Variants in HNRNPA3 observed in about 807,000 individuals in gnomAD.
The protein encoded by HNRNPA3 is epididymis secretory sperm binding protein.
Under a neutral mutation model 45.8 loss-of-function variants are expected in HNRNPA3, and 3 were observed. That is an observed-to-expected ratio of 0.07 (90% confidence interval 0.03 to 0.17). HNRNPA3 has a LOEUF of 0.17. HNRNPA3 is among the 10% of genes least tolerant of loss of function. The pLI, the probability that HNRNPA3 is intolerant of heterozygous loss-of-function variation, is 1.00. For missense variants in HNRNPA3, 183 were observed against 480.3 expected (o/e 0.38, Z 5.79); for synonymous variants, 170 against 155.6 (o/e 1.09, Z -0.69).
exon 2 of HNRNPA3, chr2:177,215,549 C>T: frequency 6.2e-7 from 1 of 1,613,798 alleles, no homozygotes; most frequent in Non-Finnish European, 8.5e-7. Context: ...GGCCATGATC[C>T]AAAGGAACCA....
At chr2:177,217,059 T>A in intron 7 of HNRNPA3, 119 bp downstream of exon 7, 1 of 1,097,728 alleles carries the variant, frequency 9.1e-7, no homozygotes, top group Non-Finnish European at 1.3e-6. Flanking sequence ...TAAGGTGTAT[T>A]TCCAAACTGT....
chr2:177,216,546 A>G (rs1341229982), exon 5 of HNRNPA3: 2 of 1,614,176 alleles, frequency 1.2e-6, no homozygotes, highest in Admixed American at 3.3e-5. Flanking sequence ...GTGAAGTGAA[A>G]AAGGCCCTTT....
intron 1 of HNRNPA3, 112 bp from the exon 2 acceptor site, chr2:177,215,427 C>G (rs887596215): frequency 4.5e-6 from 5 of 1,109,538 alleles, no homozygotes; most frequent in East Asian, 4.7e-5. Flanking sequence ...AAAGTGTTAA[C>G]TGTCACAGGA....
Position 177,216,263 on chromosome 2 carries a change from T to A in HNRNPA3, c.553+75T>A. 4 of 1,013,874 alleles carry A rather than the reference T, an allele frequency of 3.9e-6. 1 individual carries two copies. The South Asian group carries it at 5.9e-5, about 15-fold the overall frequency. The allele number at this position is 1,013,874 out of a possible 1,614,324, so 62.8% of individuals were successfully genotyped here. On this transcript the variant is annotated intron_variant, in intron 4 of 10. Transcript: ENST00000392524. ...CTGTTTTGAACTAAATTTGCTAAAT[T>A]GTAATTTTCTGTTGCGTGTAATGGC...
rs759020313 is a variant in HNRNPA3 at position 177,218,989 on chromosome 2, A to G, written c.962-48A>G. ...ATAGTTACATACGTTAAAAGGGGAA[A>G]ATGATGATTGTGTAGGTAAACCACA... On this transcript the variant is annotated intron_variant, in intron 8 of 10. Transcript: ENST00000392524. The G allele has an allele frequency of 6.2e-6, 10 of 1,601,960 alleles. No homozygotes were observed. The Admixed American group carries it at 1.7e-4, about 28-fold the overall frequency.
downstream of HNRNPA3, chr2:177,223,008 A>G (rs563098746): frequency 6.6e-6 from 1 of 152,668 alleles, no homozygotes; most frequent in Non-Finnish European, 1.5e-5. Flanking sequence ...TTGATGGGTA[A>G]TAAGGGCTGT....
At chr2:177,215,015 TGCTG>T (rs1420457794) in intron 1 of HNRNPA3, among the ~76,000 whole-genome samples, 1 of 152,242 alleles carries the variant, frequency 6.6e-6, no homozygotes, top group African/African-American at 2.4e-5. Flanking sequence ...GTTGAAGTGA[TGCTG>T]GCATTTGAAA....
downstream of HNRNPA3, chr2:177,223,521 A>G (rs563165127): frequency 1.3e-5 from 2 of 152,338 alleles, no homozygotes; most frequent in African/African-American, 4.8e-5. Context: ...CATGTCCTAA[A>G]GGAGAATATG....
chr2:177,215,919 A>T, intron 3 of HNRNPA3, 23 bp downstream of exon 3: 1 of 1,597,106 alleles, frequency 6.3e-7, no homozygotes, highest in Non-Finnish European at 8.5e-7. Context: ...TACATTGTGT[A>T]ATATGTGAAA....
Position 177,216,609 on chromosome 2 carries a change from A to C in HNRNPA3, c.643+17A>C. On this transcript the variant is annotated intron_variant, in intron 5 of 10. Transcript: ENST00000392524. ...CACAGAGAGGTGAGTAGGACCATAC[A>C]CATGTATACAGTGGATATGAGTGGT... 1 of 1,611,876 alleles carries C rather than the reference A, an allele frequency of 6.2e-7. No homozygotes were observed. The highest frequency in any genetic ancestry group is 8.5e-7 in the Non-Finnish European group (1 of 1,177,950).
chr2:177,217,596 G>C, intron 7 of HNRNPA3, 109 bp from the exon 8 acceptor site: 2 of 1,358,878 alleles, frequency 1.5e-6, no homozygotes, highest in South Asian at 2.4e-5. Context: ...CACTGTACTT[G>C]AGCCCGGGCA....
At chr2:177,216,123 G>C (rs779836583) in exon 4 of HNRNPA3, 14 of 1,577,326 alleles carry the variant, frequency 8.9e-6, no homozygotes, top group Non-Finnish European at 1.2e-5. Context: ...GACAGGCAGA[G>C]TGGAAAAAAG....
In HNRNPA3 at chr2:177,218,052, C is replaced by CTTTTTT. The variant is rs58476089; in HGVS notation, c.961+229_961+234dup. Among the ~76,000 whole-genome samples, 30 of 102,180 alleles carry CTTTTTT rather than the reference C, an allele frequency of 2.9e-4. 1 individual carries two copies. Among genetic ancestry groups the CTTTTTT allele is most frequent in the African/African-American group, 4.0e-4 (10 of 25,050 alleles). 67.0% of individuals were successfully genotyped at this position (102,180 alleles called of 152,430 possible). A position where few individuals can be genotyped will look rare whatever the true frequency, so the allele number is the denominator to read the frequency against. ...ACAAATGTACTCAGCTCTCTTTTTT[C>CTTTTTT]TTTTTTTTTTTTTTTTTTTTTTTTT... is the stretch of plus-strand genomic sequence containing the variant. On this transcript the variant is annotated intron_variant, in intron 8 of 10. Coordinates refer to ENST00000392524, the Ensembl canonical transcript of HNRNPA3.
chr2:177,220,427 T>G (rs1283624967), downstream of HNRNPA3: 3 of 154,706 alleles, frequency 1.9e-5, no homozygotes, highest in East Asian at 5.8e-4. Context: ...CTTTTTTTTC[T>G]TATTTAAAGC....
intron 1 of HNRNPA3, 73 bp downstream of exon 1, chr2:177,212,944 G>T: frequency 9.6e-7 from 1 of 1,047,106 alleles, no homozygotes; most frequent in East Asian, 3.2e-5. Context: ...GAGCGGGGAG[G>T]CCGGGTGGAC....
intron 1 of HNRNPA3, 120 bp downstream of exon 1, chr2:177,212,991 C>G: frequency 1.7e-6 from 1 of 599,198 alleles, no homozygotes; most frequent in Non-Finnish European, 2.7e-6. Flanking sequence ...TTGAGACAGG[C>G]TGTGGGAGGG....
intron 7 of HNRNPA3, 74 bp downstream of exon 7, chr2:177,217,014 T>C (rs1688971423): frequency 7.4e-7 from 1 of 1,344,442 alleles, no homozygotes; most frequent in East Asian, 2.6e-5. Context: ...ATTACACTTT[T>C]CTAATTTTAG....
intron 8 of HNRNPA3, among the ~76,000 whole-genome samples, chr2:177,218,584 C>T (rs1324022356): frequency 2.6e-5 from 4 of 152,118 alleles, no homozygotes; most frequent in Non-Finnish European, 5.9e-5. Context: ...TACTTTGGGT[C>T]TTAATATAAT....
intron 8 of HNRNPA3, among the ~76,000 whole-genome samples, chr2:177,218,769 A>G (rs115040338): frequency 1.3e-5 from 2 of 152,362 alleles, no homozygotes; most frequent in African/African-American, 2.4e-5. Flanking sequence ...TTTAAATGTT[A>G]TACTGCTTCA....
Sources: allele counts gnomAD v4.1 joint callset (sites outside exome capture counted in the v4.1 genomes callset), GRCh38; gene constraint gnomAD v4.1.1; transcripts MANE v1.5; gene names NCBI Gene and HGNC (gene_info 2026-07-23, HGNC 2026-07-21).